Variants in MGAT4A observed in about 807,000 individuals in gnomAD.
The protein encoded by MGAT4A is alpha-1,3-mannosyl-glycoprotein 4-beta-N-acetylglucosaminyltransferase A, also known as N-acetylglucosaminyltransferase IVa.
MGAT4A carries 33 observed loss-of-function variants against 74.1 expected under a neutral mutation model. The observed-to-expected ratio is 0.45, with a 90% CI of 0.34 to 0.60. The LOEUF (loss-of-function observed/expected upper bound fraction) is 0.60. Among genes scored for constraint, MGAT4A ranks in the 20% least tolerant of loss-of-function variants. The pLI is 0.02. For missense variants in MGAT4A, 479 were observed against 628.3 expected (o/e 0.76, Z 2.54); for synonymous variants, 198 against 210.4 (o/e 0.94, Z 0.51).
At chr2:98,699,190 G>A (rs754222124) in intron 2 of MGAT4A, among the ~76,000 whole-genome samples, 3 of 152,192 alleles carry the variant, frequency 2.0e-5, no homozygotes, top group Non-Finnish European at 4.4e-5. Context: ...TGTCTACCAC[G>A]AAAGCTCATT....
At position 98,621,606 on chromosome 2, in the gene MGAT4A, T is replaced by G; in HGVS notation, c.*3960A>C. The stretch of plus-strand genomic sequence containing the variant: ...TGGATCAAACAGGTTCCACCCATGC[T>G]CAAAGTGGGAGGATATTATACAAGG... On this transcript the variant is annotated 3_prime_UTR_variant, in exon 16 of 16. Transcript: ENST00000393487. The G allele has an allele frequency of 1.3e-6, 2 of 1,515,718 alleles. No homozygotes were observed. Among genetic ancestry groups the G allele is most frequent in the Non-Finnish European group, 1.8e-6 (2 of 1,128,522 alleles). The allele number at this position is 1,515,718 out of a possible 1,614,324, so 93.9% of individuals were successfully genotyped here. A position where few individuals can be genotyped will look rare whatever the true frequency, so the allele number is the denominator to read the frequency against.
intron 1 of MGAT4A, among the ~76,000 whole-genome samples, chr2:98,730,538 G>A (rs749221381): frequency 1.6e-4 from 25 of 151,992 alleles, no homozygotes; most frequent in African/African-American, 3.1e-4. Flanking sequence ...CGGACCGTCC[G>A]GCCCCGCCCA....
At chr2:98,728,036 T>G (rs989182287) in intron 1 of MGAT4A, among the ~76,000 whole-genome samples, 1 of 152,194 alleles carries the variant, frequency 6.6e-6, no homozygotes, top group Non-Finnish European at 1.5e-5. Context: ...TGAAGAGAAG[T>G]TCCAGGGATA....
At chr2:98,638,845 G>A (rs1223428863) in intron 12 of MGAT4A, among the ~76,000 whole-genome samples, 7 of 152,138 alleles carry the variant, frequency 4.6e-5, no homozygotes, top group Admixed American at 4.6e-4. Context: ...GATTTCTGGT[G>A]GATTCTAAAA....
At position 98,624,643 on chromosome 2, in the gene MGAT4A, C is replaced by T. The variant is rs1434658174; in HGVS notation, c.*923G>A. ...ATAAAAGAATCAACAGCAGATAATG[C>T]ACCTAATTCATGGATTAAAGACAAA... On this transcript the variant is annotated 3_prime_UTR_variant, in exon 16 of 16. Transcript: ENST00000393487. The T allele has an allele frequency of 3.3e-5, 32 of 983,098 alleles. No individual in the cohort carries two copies. Among genetic ancestry groups the T allele is most frequent in the Non-Finnish European group, 3.9e-5 (32 of 827,986 alleles). 60.9% of individuals were successfully genotyped at this position (983,098 alleles called of 1,614,324 possible).
chr2:98,635,213 A>G lies in MGAT4A; in HGVS notation c.1468+9T>C, dbSNP rs1252369292. ...AAAATAAAGGCCATTTTACTAAAGT[A>G]GATATTACCTATTCTGAAATAGCCA... is the stretch of plus-strand genomic sequence containing the variant. On this transcript the variant is annotated intron_variant, in intron 14 of 15. Coordinates refer to ENST00000393487, the MANE Select transcript of MGAT4A (RefSeq NM_012214.3). 2 of 1,591,798 alleles carry G rather than the reference A, an allele frequency of 1.3e-6. No homozygotes were observed. Among genetic ancestry groups the G allele is most frequent in the Non-Finnish European group, 1.7e-6 (2 of 1,167,046 alleles).
chr2:98,629,178 T>C (rs1046049529), intron 14 of MGAT4A, among the ~76,000 whole-genome samples: 4 of 152,228 alleles, frequency 2.6e-5, no homozygotes, highest in Admixed American at 2.6e-4. Context: ...CGTAGTTTGC[T>C]GACCACATGC....
chr2:98,705,182 G>A (rs193011498), intron 2 of MGAT4A, among the ~76,000 whole-genome samples: 13 of 152,220 alleles, frequency 8.5e-5, no homozygotes, highest in Admixed American at 3.3e-4. Context: ...CACCACCTCC[G>A]GAAATGCTTG....
intron 14 of MGAT4A, among the ~76,000 whole-genome samples, chr2:98,631,523 C>T (rs964665242): frequency 6.6e-6 from 1 of 152,232 alleles, no homozygotes; most frequent in East Asian, 1.9e-4. Context: ...CAGGCAGGCA[C>T]ACAAGTGGCT....
At chr2:98,653,984 G>T (rs1402117009) in intron 8 of MGAT4A, among the ~76,000 whole-genome samples, 1 of 152,040 alleles carries the variant, frequency 6.6e-6, no homozygotes, top group Non-Finnish European at 1.5e-5. Flanking sequence ...ATTTATACCT[G>T]CAATACAGGG....
intron 4 of MGAT4A, among the ~76,000 whole-genome samples, chr2:98,669,489 A>T (rs1701882382): frequency 6.6e-6 from 1 of 152,216 alleles, no homozygotes; most frequent in Non-Finnish European, 1.5e-5. Context: ...GCCCAGTCTC[A>T]GTATGTCTTT....
chr2:98,626,853 T>A (rs1044920735), intron 14 of MGAT4A, among the ~76,000 whole-genome samples: 2 of 152,234 alleles, frequency 1.3e-5, no homozygotes, highest in African/African-American at 4.8e-5. Context: ...ATATTTTATA[T>A]ACATCTTTGA....
At chr2:98,635,656 G>C (rs1332559110) in intron 13 of MGAT4A, among the ~76,000 whole-genome samples, 5 of 152,036 alleles carry the variant, frequency 3.3e-5, no homozygotes, top group Non-Finnish European at 1.5e-5. Flanking sequence ...AAAACACATA[G>C]AATTTGGACT....
rs999665533 is a variant in MGAT4A at position 98,644,694 on chromosome 2, C to T, written c.890-641G>A. Among the ~76,000 whole-genome samples the T allele has an allele frequency of 5.9e-5, 9 of 151,632 alleles. No homozygotes were observed. In the East Asian group the frequency reaches 7.8e-4, roughly 13 times the overall value. On this transcript the variant is annotated intron_variant, in intron 9 of 15. Coordinates refer to ENST00000393487, the MANE Select transcript of MGAT4A (RefSeq NM_012214.3). ...CGTCCCCAAGGCTGGAATGCAGGGG[C>T]GCGATCTCAGCTCACTACAACCTCC...
chr2:98,637,052 G>A (rs774273809), intron 12 of MGAT4A, among the ~76,000 whole-genome samples: 3 of 152,150 alleles, frequency 2.0e-5, no homozygotes, highest in African/African-American at 7.2e-5. Context: ...GCTCACACCT[G>A]TACTCCCAGC....
intron 10 of MGAT4A, among the ~76,000 whole-genome samples, chr2:98,642,680 A>C (rs1433912671): frequency 6.6e-6 from 1 of 152,242 alleles, no homozygotes; most frequent in Non-Finnish European, 1.5e-5. Context: ...GTGTCCTACA[A>C]TAAAAATTTC....
At chr2:98,671,143 T>C (rs910608632) in intron 4 of MGAT4A, among the ~76,000 whole-genome samples, 2 of 152,220 alleles carry the variant, frequency 1.3e-5, no homozygotes, top group East Asian at 1.9e-4. Flanking sequence ...CATGACTATG[T>C]CCTCCCTGAT....
At chr2:98,712,984 A>G (rs1297582357) in intron 2 of MGAT4A, among the ~76,000 whole-genome samples, 1 of 151,970 alleles carries the variant, frequency 6.6e-6, no homozygotes, top group Non-Finnish European at 1.5e-5. Context: ...CAACACTGTG[A>G]GACCTCACCT....
intron 14 of MGAT4A, among the ~76,000 whole-genome samples, chr2:98,633,731 T>G (rs1344240484): frequency 1.3e-5 from 2 of 152,222 alleles, no homozygotes; most frequent in African/African-American, 4.8e-5. Context: ...TCAATTACTA[T>G]AGAGATATTT....
Sources: allele counts gnomAD v4.1 joint callset (sites outside exome capture counted in the v4.1 genomes callset), GRCh38; gene constraint gnomAD v4.1.1; transcripts MANE v1.5; gene names NCBI Gene and HGNC (gene_info 2026-07-23, HGNC 2026-07-21).